ELMO1: variants seen among roughly 807,000 people sequenced by gnomAD.
The protein encoded by ELMO1 is engulfment and cell motility protein 1.
A neutral mutation model predicts 98.9 loss-of-function variants in ELMO1; 26 were observed. That is an observed-to-expected ratio of 0.26 (90% CI 0.19 to 0.36). The LOEUF (loss-of-function observed/expected upper bound fraction) is 0.36. Ranked by LOEUF, ELMO1 falls within the 10% of genes least tolerant of loss-of-function variation. The probability of loss-of-function intolerance (pLI) is 1.00; values close to 1 mark genes in which losing one functional copy is unlikely to be tolerated. For synonymous variants in ELMO1, 346 were observed against 346.0 expected (o/e 1.00, Z 0.00); for missense variants, 627 against 935.2 (o/e 0.67, Z 4.30).
chr7:37,379,180 C>T (rs1802486578), intron 1 of ELMO1, among the ~76,000 whole-genome samples: 1 of 152,126 alleles, frequency 6.6e-6, no homozygotes, highest in African/African-American at 2.4e-5. Context: ...GCTGGGACTA[C>T]AGGCGCCTAC....
chr7:37,225,025 T>G lies in ELMO1; in HGVS notation c.555A>C (p.Ala185=), dbSNP rs1389749213. 3 of 1,613,938 alleles carry G rather than the reference T, an allele frequency of 1.9e-6. No homozygotes were observed. Among genetic ancestry groups the G allele is most frequent in the Non-Finnish European group, 2.5e-6 (3 of 1,179,978 alleles). The change falls in exon 9 of 22, where the codon GCA becomes GCC. Residue 185 remains alanine (A), a synonymous_variant. Transcript: ENST00000310758. The stretch of plus-strand genomic sequence containing the variant: ...CTATGGCTGACTTGTTCACAAAACT[T>G]GCTATCTGAAAATCCAAGTGGGACA... ...TFSVAFIKKI[A]SFVNKSAIDI...
intron 16 of ELMO1, among the ~76,000 whole-genome samples, chr7:36,965,635 C>A (rs1387804176): frequency 6.6e-6 from 1 of 152,058 alleles, no homozygotes; most frequent in East Asian, 1.9e-4. Flanking sequence ...GATATGCCTG[C>A]AAAAGAATCC....
chr7:36,888,612 T>C (rs996502835), intron 17 of ELMO1, among the ~76,000 whole-genome samples: 1 of 152,238 alleles, frequency 6.6e-6, no homozygotes, highest in African/African-American at 2.4e-5. Flanking sequence ...AATAAGAATC[T>C]TTCCTGCTGT....
intron 16 of ELMO1, among the ~76,000 whole-genome samples, chr7:36,976,726 G>C (rs1790581143): frequency 6.6e-6 from 1 of 152,218 alleles, no homozygotes. Flanking sequence ...GGAAAAGTTG[G>C]TGTGAAAGCC....
rs1467533790 is a variant in ELMO1 at position 36,870,827 on chromosome 7, A to T, written c.1823-352T>A. Among the ~76,000 whole-genome samples the T allele has an allele frequency of 6.6e-6, 1 of 152,238 alleles. No individual in the cohort carries two copies. The highest frequency in any genetic ancestry group is 1.5e-5 in the Non-Finnish European group (1 of 68,038). On this transcript the variant is annotated intron_variant, in intron 19 of 21. Coordinates refer to ENST00000310758, the MANE Select transcript of ELMO1 (RefSeq NM_014800.11). This position sits in a 1 kb window ranked among gnomAD's most constrained non-coding sequence, Gnocchi z 4.4. ...CAGTGATTGTAATAACAACAGTGAT[A>T]CTCATACTGATATTACAGAGGGCTC...
At chr7:37,376,309 G>T (rs972356101) in intron 1 of ELMO1, among the ~76,000 whole-genome samples, 1 of 152,076 alleles carries the variant, frequency 6.6e-6, no homozygotes, top group Non-Finnish European at 1.5e-5. Context: ...CTCATTCCTG[G>T]GCATAGACAA....
intron 1 of ELMO1, among the ~76,000 whole-genome samples, chr7:37,422,917 C>G (rs1047028280): frequency 2.0e-5 from 3 of 152,222 alleles, no homozygotes; most frequent in Non-Finnish European, 4.4e-5. Context: ...AGCCCATGAG[C>G]CAAGCCTGTT....
intron 2 of ELMO1, among the ~76,000 whole-genome samples, chr7:37,324,573 T>C (rs1343340839): frequency 6.6e-6 from 1 of 152,206 alleles, no homozygotes; most frequent in Non-Finnish European, 1.5e-5. Flanking sequence ...CTATGAGCTC[T>C]TGGATGACTC....
At chr7:37,050,799 G>A (rs1796071613) in intron 15 of ELMO1, among the ~76,000 whole-genome samples, 1 of 145,784 alleles carries the variant, frequency 6.9e-6, no homozygotes, top group Non-Finnish European at 1.5e-5. Flanking sequence ...GATAGATGTA[G>A]AAGCCAAGTT....
chr7:37,285,996 A>T (rs1450233209), intron 4 of ELMO1, among the ~76,000 whole-genome samples: 1 of 152,164 alleles, frequency 6.6e-6, no homozygotes, highest in African/African-American at 2.4e-5. Flanking sequence ...CTACAGAGAC[A>T]AGAAAAAAGA....
At chr7:37,441,960 T>G (rs1193698834) in intron 1 of ELMO1, among the ~76,000 whole-genome samples, 3 of 152,210 alleles carry the variant, frequency 2.0e-5, no homozygotes, top group African/African-American at 7.2e-5. Flanking sequence ...CTGGGGCACT[T>G]ATAACTGCTG....
chr7:36,863,486 G>A (rs1802795891), intron 20 of ELMO1, among the ~76,000 whole-genome samples: 1 of 152,142 alleles, frequency 6.6e-6, no homozygotes, highest in Admixed American at 6.5e-5. Context: ...AACCAGAGAT[G>A]CTATGCCTGA....
At chr7:37,278,281 C>T (rs2130888375) in intron 4 of ELMO1, among the ~76,000 whole-genome samples, 1 of 151,970 alleles carries the variant, frequency 6.6e-6, no homozygotes, top group African/African-American at 2.4e-5. Context: ...AATCACTTGA[C>T]TTTAAGTAAG....
chr7:37,413,831 C>A (rs1804097655), intron 1 of ELMO1, among the ~76,000 whole-genome samples: 1 of 152,088 alleles, frequency 6.6e-6, no homozygotes, highest in Admixed American at 6.5e-5. Context: ...GCGCACACCA[C>A]CACGTCTGGC....
intron 13 of ELMO1, among the ~76,000 whole-genome samples, chr7:37,134,198 C>T (rs1787110117): frequency 6.6e-6 from 1 of 152,074 alleles, no homozygotes; most frequent in Admixed American, 6.5e-5. Flanking sequence ...CTATGGAAAA[C>T]ACTATGGAGA....
chr7:37,048,060 A>C (rs1403123691), intron 15 of ELMO1, among the ~76,000 whole-genome samples: 1 of 152,258 alleles, frequency 6.6e-6, no homozygotes, highest in African/African-American at 2.4e-5. Context: ...AATTTACAAC[A>C]AAACAGTATT....
intron 13 of ELMO1, among the ~76,000 whole-genome samples, chr7:37,171,622 A>G (rs1223929565): frequency 6.6e-6 from 1 of 150,420 alleles, no homozygotes; most frequent in Non-Finnish European, 1.5e-5. Context: ...CATCCCGAGT[A>G]GCTGGGTCTA....
At chr7:36,985,153 G>T in intron 16 of ELMO1, 1 of 974,620 alleles carries the variant, frequency 1.0e-6, no homozygotes, top group Non-Finnish European at 1.2e-6. Context: ...TAAACCCCAG[G>T]GAGCAGAGCA....
chr7:37,235,258 A>C (rs1794399532), intron 7 of ELMO1, among the ~76,000 whole-genome samples: 1 of 152,214 alleles, frequency 6.6e-6, no homozygotes, highest in Non-Finnish European at 1.5e-5. Context: ...AGAAGAAAAG[A>C]AAGTAAAAAG....
Sources: gnomAD v4.1 joint callset for allele counts (sites outside exome capture counted in the v4.1 genomes callset) on GRCh38, gnomAD v4.1.1 for gene constraint, Gnocchi (gnomAD v3.1) non-coding constraint, MANE v1.5 for transcripts, NCBI Gene and HGNC (gene_info 2026-07-23, HGNC 2026-07-21) for gene names.